SSX3: variants seen among roughly 807,000 people sequenced by gnomAD.
SSX3 encodes protein SSX3.
SSX3 carries 6 observed loss-of-function variants against 14.8 expected under a neutral mutation model. The observed-to-expected ratio is 0.41, with a 90% CI of 0.22 to 0.80. The LOEUF is 0.80. Ranked by LOEUF, SSX3 falls within the 30% of genes least tolerant of loss-of-function variation. The pLI, the probability that SSX3 is intolerant of heterozygous loss-of-function variation, is 0.34. For missense variants in SSX3, 163 were observed against 152.2 expected (o/e 1.07, Z -0.37); for synonymous variants, 55 against 52.9 (o/e 1.04, Z -0.18).
chrX:48,348,361 C>T lies in SSX3; in HGVS notation c.467-757G>A, dbSNP rs782702604. On this transcript the variant is annotated intron_variant, in intron 6 of 7. Transcript: ENST00000298396. The stretch of plus-strand genomic sequence containing the variant: ...AACTGCACCCATAGAATATGACAAA[C>T]TTAATCGATTAATGTTTTGTGTCTT... 59 of 515,932 alleles carry T rather than the reference C, an allele frequency of 1.1e-4. No individual in the cohort carries two copies. In the South Asian group the frequency reaches 1.4e-3, roughly 12 times the overall value. The allele number at this position is 515,932 out of a possible 1,213,427, so 42.5% of individuals were successfully genotyped here.
At chrX:48,349,149 T>G in intron 6 of SSX3, among the ~76,000 whole-genome samples, 1 of 111,842 alleles carries the variant, frequency 8.9e-6, no homozygotes, top group East Asian at 2.8e-4. Flanking sequence ...AGGATTGAGT[T>G]CAACTTTGAA....
At position 48,353,989 on chromosome X, in the gene SSX3, A is replaced by G. The variant is rs1556950414; in HGVS notation, c.280+10T>C. 5.0e-6 allele frequency: 6 copies of G among 1,200,992 alleles called. No individual in the cohort carries two copies. Among genetic ancestry groups the G allele is most frequent in the South Asian group, 3.5e-5 (2 of 56,518 alleles). Reference sequence around the variant, plus strand: ...AGGAGACCCTTTCCAGCCCCTTCCCATCTACTCACCCTGATTCCCACGGTT... The same window carrying G: ...AGGAGACCCTTTCCAGCCCCTTCCCGTCTACTCACCCTGATTCCCACGGTT... On this transcript the variant is annotated intron_variant, in intron 4 of 7. Transcript: ENST00000298396.
intron 7 of SSX3, 51 bp downstream of exon 7, chrX:48,347,449 C>G (rs1179069260): frequency 1.7e-6 from 2 of 1,202,263 alleles, no homozygotes; most frequent in African/African-American, 3.5e-5. Context: ...AGTATCATAA[C>G]AGAATAGCAC....
chrX:48,349,719 A>G, intron 6 of SSX3: 2 of 1,141,821 alleles, frequency 1.8e-6, no homozygotes. Context: ...TTTATGAACT[A>G]TGATTCTTTA....
chrX:48,354,678 G>A lies in SSX3; in HGVS notation c.138C>T (p.Ile46=), dbSNP rs141333343. 2.3e-4 allele frequency: 274 copies of A among 1,205,333 alleles called. No homozygotes were observed. In the African/African-American group the frequency reaches 3.3e-3, roughly 15 times the overall value. Residue 46 remains isoleucine, a synonymous_variant, in exon 3 of 8, where the codon ATC becomes ATT. Transcript: ENST00000298396. The part of the protein sequence containing the change: ...EWEKMKVSEK[I]VYVYMKRKYE... ...ACTTTCTCTTCATATACACATAGACGATTTTCTCCGAGACTTTCATCTTTT... is the reference window on the plus strand; with the variant it reads ...ACTTTCTCTTCATATACACATAGACAATTTTCTCCGAGACTTTCATCTTTT...
At position 48,355,387 on chromosome X, in the gene SSX3, G is replaced by A. The variant is rs781934230; in HGVS notation, c.-20-118C>T. ...AATCAGGTGCTGCATTTCTCCATCC[G>A]GGGCTTATCTGTCCCTGAGTAAGGA... On this transcript the variant is annotated intron_variant, in intron 1 of 7. Coordinates refer to ENST00000298396, the MANE Select transcript of SSX3 (RefSeq NM_021014.4). 1.6e-4 allele frequency: 106 copies of A among 679,631 alleles called. 1 individual carries two copies. In the South Asian group the frequency reaches 2.6e-3, roughly 17 times the overall value. The allele number at this position is 679,631 out of a possible 1,213,427, so 56.0% of individuals were successfully genotyped here. A position where few individuals can be genotyped will look rare whatever the true frequency, so the allele number is the denominator to read the frequency against.
intron 3 of SSX3, 74 bp downstream of exon 3, chrX:48,354,558 T>C: frequency 9.2e-7 from 1 of 1,092,152 alleles, no homozygotes. Context: ...TTCTGCAGCC[T>C]AAGAAATAGC....
chrX:48,355,812 A>T (rs2061284824), intron 1 of SSX3, among the ~76,000 whole-genome samples: 1 of 111,698 alleles, frequency 9.0e-6, no homozygotes, highest in Admixed American at 9.6e-5. Flanking sequence ...AAGTTATTAG[A>T]ACGAAGAGAG....
Position 48,350,024 on chromosome X carries a change from T to TC in SSX3, c.428dup (p.Pro145ThrfsTer5). 1 of 1,211,808 alleles carries TC rather than the reference T, an allele frequency of 8.3e-7. No individual in the cohort carries two copies. Among genetic ancestry groups the TC allele is most frequent in the Non-Finnish European group, 1.1e-6 (1 of 895,526 alleles). Reference sequence around the variant, plus strand: ...TAATCTTCTCAGAGGTAGTTGGTTTTCCCGGGGGGCACAGCTGTTTCCCAT... The same window carrying TC: ...TAATCTTCTCAGAGGTAGTTGGTTTTCCCCGGGGGGCACAGCTGTTTCCCAT... On this transcript the variant is annotated frameshift_variant, in exon 6 of 8. Coordinates refer to ENST00000298396, the MANE Select transcript of SSX3 (RefSeq NM_021014.4). LOFTEE classifies it high-confidence loss of function.
chrX:48,353,864 C>A lies in SSX3; in HGVS notation c.280+135G>T, dbSNP rs2061273602. ...ATGAATGACCTCTGTAGTTAACTTT[C>A]TGCATGCAATTTTTTTTTTCACTCT... On this transcript the variant is annotated intron_variant, in intron 4 of 7. Coordinates refer to ENST00000298396, the MANE Select transcript of SSX3 (RefSeq NM_021014.4). The A allele has an allele frequency of 6.6e-6, 4 of 602,555 alleles. No individual in the cohort carries two copies. In the East Asian group the frequency reaches 1.0e-4, roughly 16 times the overall value. 49.7% of individuals were successfully genotyped at this position (602,555 alleles called of 1,213,427 possible). A position where few individuals can be genotyped will look rare whatever the true frequency, so the allele number is the denominator to read the frequency against.
At chrX:48,347,179 C>T (rs1423139617) in intron 7 of SSX3, 144 bp from the exon 8 acceptor site, 144 of 837,722 alleles carry the variant, frequency 1.7e-4, no homozygotes, top group Non-Finnish European at 2.3e-4. Context: ...CACGGTTCCT[C>T]GAAGTGAACC....
intron 5 of SSX3, among the ~76,000 whole-genome samples, chrX:48,350,407 C>G (rs1417533575): frequency 9.0e-6 from 1 of 111,421 alleles, no homozygotes; most frequent in Admixed American, 9.6e-5. Context: ...GTGTGATATA[C>G]AGATGATTTG....
intron 6 of SSX3, 192 bp downstream of exon 6, chrX:48,349,795 G>GC (rs1291602869): frequency 3.0e-5 from 34 of 1,120,926 alleles, no homozygotes; most frequent in Non-Finnish European, 3.9e-5. Flanking sequence ...AAGTCACGTG[G>GC]TTTTTTTTTA....
chrX:48,350,379 A>C (rs1441626985), intron 5 of SSX3, among the ~76,000 whole-genome samples: 3 of 111,376 alleles, frequency 2.7e-5, no homozygotes, highest in Non-Finnish European at 5.6e-5. Flanking sequence ...AACAGCAAAA[A>C]TCTCCATTTA....
rs782206727 is a variant in SSX3 at position 48,350,092 on chromosome X, T to G, written c.361A>C (p.Asn121His). 49 of 1,210,198 alleles carry G rather than the reference T, an allele frequency of 4.0e-5. No individual in the cohort carries two copies. The highest frequency in any genetic ancestry group is 5.6e-6 in the Non-Finnish European group (5 of 895,314). ...IMPKKPAEEG[N>H]VSKEVPEASG... ...GCTTCTGGCACTTCCTTCGAAACAT[T>G]TCCTTCCTCTGCTGGCTTCTTGGGC... Residue 121 changes from asparagine (N) to histidine (H), a missense_variant, in exon 6 of 8, where the codon AAT becomes CAT. Coordinates refer to ENST00000298396, the MANE Select transcript of SSX3 (RefSeq NM_021014.4).
chrX:48,349,747 A>G (rs782321722), intron 6 of SSX3: 1 of 1,135,048 alleles, frequency 8.8e-7, no homozygotes, highest in Non-Finnish European at 1.2e-6. Flanking sequence ...CTTATGGACT[A>G]GGAACCTGGA....
chrX:48,347,887 A>G (rs190578063), intron 6 of SSX3, among the ~76,000 whole-genome samples: 190 of 111,715 alleles, frequency 1.7e-3, no homozygotes, highest in African/African-American at 5.3e-3. Context: ...TTCATACAGC[A>G]CGTATTTGTT....
intron 1 of SSX3, among the ~76,000 whole-genome samples, chrX:48,355,987 G>C (rs1450086732): frequency 9.0e-6 from 1 of 110,726 alleles, no homozygotes; most frequent in Non-Finnish European, 1.9e-5. Context: ...GACCCGGCTG[G>C]GAAACACAGC....
At chrX:48,356,498 C>G (rs1301720293) in intron 1 of SSX3, 136 bp downstream of exon 1, 1 of 110,977 alleles carries the variant, frequency 9.0e-6, no homozygotes, top group South Asian at 3.8e-4. Flanking sequence ...TTTGAGATGG[C>G]GGTTAGAAAC....
Sources: gnomAD v4.1 joint callset for allele counts (sites outside exome capture counted in the v4.1 genomes callset) on GRCh38, gnomAD v4.1.1 for gene constraint, MANE v1.5 for transcripts, NCBI Gene and HGNC (gene_info 2026-07-23, HGNC 2026-07-21) for gene names.